The following ELMO1 variants were observed in gnomAD, a reference collection of about 807,000 sequenced individuals.
ELMO1 encodes the protein engulfment and cell motility 1, also known as engulfment and cell motility protein 1.
In ELMO1, 26 loss-of-function variants were observed where a neutral mutation model predicts 98.9. The observed-to-expected ratio is 0.26, with a 90% CI of 0.19 to 0.36. The LOEUF (loss-of-function observed/expected upper bound fraction) is 0.36, where lower values mean the gene tolerates loss of function less well. Ranked by LOEUF, ELMO1 falls within the 10% of genes least tolerant of loss-of-function variation. The pLI, the probability that ELMO1 is intolerant of heterozygous loss-of-function variation, is 1.00. For synonymous variants in ELMO1, 346 were observed against 346.0 expected (o/e 1.00, Z 0.00); for missense variants, 627 against 935.2 (o/e 0.67, Z 4.30).
chr7:37,413,562 C>T (rs1804082854), intron 1 of ELMO1, among the ~76,000 whole-genome samples: 1 of 152,198 alleles, frequency 6.6e-6, no homozygotes, highest in Non-Finnish European at 1.5e-5. Context: ...AAGAAATCCC[C>T]TTGGCCAAAA....
intron 16 of ELMO1, among the ~76,000 whole-genome samples, chr7:36,915,041 AT>A (rs1418711495): frequency 2.0e-5 from 3 of 152,138 alleles, no homozygotes; most frequent in African/African-American, 4.8e-5. Flanking sequence ...GCAGCCTTGA[AT>A]TCCTGGGTTG....
chr7:37,032,739 C>G (rs976292665), intron 15 of ELMO1, among the ~76,000 whole-genome samples: 1 of 152,222 alleles, frequency 6.6e-6, no homozygotes, highest in Non-Finnish European at 1.5e-5. Flanking sequence ...CTGTTGGGTT[C>G]TGTGCCAGTT....
intron 4 of ELMO1, among the ~76,000 whole-genome samples, chr7:37,308,495 C>A (rs1427060318): frequency 6.6e-6 from 1 of 152,216 alleles, no homozygotes; most frequent in East Asian, 1.9e-4. Context: ...CTTTCTAGAT[C>A]TCTGCCTAAA....
At chr7:37,293,586 G>GGCC (rs1261633760) in intron 4 of ELMO1, among the ~76,000 whole-genome samples, 1 of 108,718 alleles carries the variant, frequency 9.2e-6, no homozygotes, top group Admixed American at 9.6e-5. Context: ...CACTGCGGAA[G>GGCC]GCCGCAGGGT....
intron 13 of ELMO1, 141 bp from the exon 14 acceptor site, chr7:37,133,375 A>C: frequency 4.3e-5 from 26 of 600,274 alleles, no homozygotes; most frequent in East Asian, 1.9e-4. Flanking sequence ...TTCTATCTCC[A>C]TGTAAACCTA....
chr7:37,244,497 T>A, intron 6 of ELMO1, 106 bp from the exon 7 acceptor site: 1 of 1,153,030 alleles, frequency 8.7e-7, no homozygotes, highest in Non-Finnish European at 1.3e-6. Context: ...AGGACAGATT[T>A]AACTGCCATG....
intron 13 of ELMO1, among the ~76,000 whole-genome samples, chr7:37,207,214 T>A (rs1048734170): frequency 6.6e-6 from 1 of 152,186 alleles, no homozygotes; most frequent in African/African-American, 2.4e-5. Flanking sequence ...CTTCCATTAC[T>A]CTCAGGAATC....
At chr7:36,929,599 A>G (rs1785863103) in intron 16 of ELMO1, among the ~76,000 whole-genome samples, 1 of 152,230 alleles carries the variant, frequency 6.6e-6, no homozygotes, top group African/African-American at 2.4e-5. Flanking sequence ...GGCCCAGCCC[A>G]GAATGGTCAG....
chr7:36,940,663 T>G (rs1181037977), intron 16 of ELMO1, among the ~76,000 whole-genome samples: 1 of 152,220 alleles, frequency 6.6e-6, no homozygotes, highest in Non-Finnish European at 1.5e-5. Context: ...TAGATGTTCA[T>G]GAAATATTAG....
chr7:37,316,881 G>A (rs115263997), intron 2 of ELMO1, among the ~76,000 whole-genome samples: 2,172 of 152,136 alleles, frequency 0.014, 46 homozygotes, highest in African/African-American at 0.048. Flanking sequence ...TATATGAAGG[G>A]CAATGTGGTA....
In ELMO1 at chr7:37,342,597, C is replaced by G. The variant is rs781257201; in HGVS notation, c.78+16G>C. ...GGAAACTGAAAATAGACACCCAATG[C>G]TGTCACGTTACTAACCTGATCAATT... On this transcript the variant is annotated intron_variant, in intron 2 of 21. Coordinates refer to ENST00000310758, the MANE Select transcript of ELMO1 (RefSeq NM_014800.11). This position sits in a 1 kb window ranked among gnomAD's most constrained non-coding sequence, Gnocchi z 4.3. 1 of 1,612,498 alleles carries G rather than the reference C, an allele frequency of 6.2e-7. No homozygotes were observed. The highest frequency in any genetic ancestry group is 8.5e-7 in the Non-Finnish European group (1 of 1,178,556).
At chr7:36,972,014 G>A (rs1346176741) in intron 16 of ELMO1, among the ~76,000 whole-genome samples, 4 of 152,250 alleles carry the variant, frequency 2.6e-5, no homozygotes, top group South Asian at 4.2e-4. Flanking sequence ...TGGGTCTGGG[G>A]TGCTCTCAGG....
At chr7:37,122,206 G>C (rs1423330536) in intron 14 of ELMO1, among the ~76,000 whole-genome samples, 2 of 152,156 alleles carry the variant, frequency 1.3e-5, no homozygotes, top group African/African-American at 2.4e-5. Context: ...AGACCATTGA[G>C]ACTAGGAAGA....
intron 6 of ELMO1, among the ~76,000 whole-genome samples, chr7:37,245,994 T>C (rs1794987202): frequency 6.6e-6 from 1 of 152,150 alleles, no homozygotes; most frequent in Admixed American, 6.5e-5. Context: ...ACCAGATCTC[T>C]GGGGAAAAAC....
intron 6 of ELMO1, among the ~76,000 whole-genome samples, chr7:37,245,557 C>T (rs545166842): frequency 2.6e-4 from 39 of 152,228 alleles, no homozygotes; most frequent in Admixed American, 2.3e-3. Context: ...CCCTCCTTTA[C>T]CTGCCTTTCT....
chr7:37,308,871 A>G (rs975746343), intron 4 of ELMO1, among the ~76,000 whole-genome samples: 1 of 152,168 alleles, frequency 6.6e-6, no homozygotes, highest in Non-Finnish European at 1.5e-5. Flanking sequence ...TCCATAGCAG[A>G]AATCAGGTTT....
At chr7:37,322,798 G>T (rs1410010228) in intron 2 of ELMO1, among the ~76,000 whole-genome samples, 1 of 151,974 alleles carries the variant, frequency 6.6e-6, no homozygotes, top group Non-Finnish European at 1.5e-5. Flanking sequence ...CTCCAGCCTG[G>T]GTGACAGAGC....
chr7:37,185,240 T>C (rs574619439), intron 13 of ELMO1, among the ~76,000 whole-genome samples: 4 of 152,374 alleles, frequency 2.6e-5, no homozygotes, highest in South Asian at 4.1e-4. Flanking sequence ...ACTGCTTCTA[T>C]GCTTTTCAAA....
At chr7:37,317,945 A>C (rs1204361680) in intron 2 of ELMO1, among the ~76,000 whole-genome samples, 2 of 152,238 alleles carry the variant, frequency 1.3e-5, no homozygotes, top group Non-Finnish European at 2.9e-5. Context: ...CCACAAATAC[A>C]TATACCTACT....
Sources: allele counts gnomAD v4.1 joint callset (sites outside exome capture counted in the v4.1 genomes callset), GRCh38; gene constraint gnomAD v4.1.1; non-coding constraint Gnocchi (gnomAD v3.1); transcripts MANE v1.5; gene names NCBI Gene and HGNC (gene_info 2026-07-23, HGNC 2026-07-21).